NCALD: variants seen among roughly 807,000 people sequenced by gnomAD.
The protein encoded by NCALD is neurocalcin-delta.
NCALD carries 10 observed loss-of-function variants against 18.6 expected under a neutral mutation model. The ratio of observed to expected loss-of-function variants is 0.54; its 90% CI spans 0.33 to 0.91. The LOEUF (loss-of-function observed/expected upper bound fraction) is 0.91. Among genes scored for constraint, NCALD ranks in the 40% least tolerant of loss-of-function variants. The pLI is 0.03. For missense variants in NCALD, 184 were observed against 247.6 expected (o/e 0.74, Z 1.72); for synonymous variants, 88 against 87.4 (o/e 1.01, Z -0.04).
At chr8:101,690,778 C>G in intron 3 of NCALD, 1 of 985,406 alleles carries the variant, frequency 1.0e-6, no homozygotes, top group Non-Finnish European at 1.2e-6. Context: ...CAGCCCTGCC[C>G]ACATAGTAGT....
chr8:101,703,313 T>C (rs948377934), intron 2 of NCALD, among the ~76,000 whole-genome samples: 7 of 152,212 alleles, frequency 4.6e-5, no homozygotes, highest in African/African-American at 1.7e-4. Flanking sequence ...TCAACAAACA[T>C]TTGTGGACTT....
chr8:101,935,794 TTTTTTTTTTTTA>T (rs946754800), intron 2 of NCALD, among the ~76,000 whole-genome samples: 1 of 147,556 alleles, frequency 6.8e-6, no homozygotes, highest in Non-Finnish European at 1.5e-5. Context: ...TTTTTTTTTT[TTTTTTTTTTTTA>T]AAGATGGAAG....
Position 102,119,095 on chromosome 8 carries a change from C to T in NCALD, c.-210+5142G>A, listed in dbSNP as rs142823335. Among the ~76,000 whole-genome samples, 280 of 152,212 alleles carry T rather than the reference C, an allele frequency of 1.8e-3. 1 individual carries two copies. Among genetic ancestry groups the T allele is most frequent in the Admixed American group, 3.5e-3 (54 of 15,284 alleles). The stretch of plus-strand genomic sequence containing the variant: ...GGTATATACCCAGAAGAACTGAAAA[C>T]AGGGAGTTGAACATATCACTGTACA... On this transcript the variant is annotated intron_variant, in intron 1 of 6. Transcript: ENST00000311028.
At chr8:101,919,867 A>G (rs913640159) in intron 2 of NCALD, among the ~76,000 whole-genome samples, 7 of 152,236 alleles carry the variant, frequency 4.6e-5, no homozygotes, top group African/African-American at 1.7e-4. Context: ...GCTATTATTA[A>G]GAAGTCAAAA....
intron 4 of NCALD, among the ~76,000 whole-genome samples, chr8:101,833,610 GTTTTTT>G: frequency 1.1e-5 from 1 of 88,466 alleles, no homozygotes; most frequent in East Asian, 3.4e-4. Context: ...TTTGTTTCTT[GTTTTTT>G]TTTTTTTTTT....
At chr8:101,879,005 T>C (rs526533) in intron 4 of NCALD, among the ~76,000 whole-genome samples, 41,251 of 152,214 alleles carry the variant, frequency 0.27, 5,937 homozygotes, top group East Asian at 0.38. Flanking sequence ...ACTTCAATAA[T>C]GCAAATACAG....
At chr8:101,744,145 C>T (rs1191483703) in intron 1 of NCALD, among the ~76,000 whole-genome samples, 9 of 152,170 alleles carry the variant, frequency 5.9e-5, no homozygotes, top group Non-Finnish European at 1.2e-4. Context: ...TCCTCAGCTC[C>T]TACCATCTTT....
intron 1 of NCALD, among the ~76,000 whole-genome samples, chr8:101,768,398 A>G (rs965448254): frequency 6.6e-6 from 1 of 152,166 alleles, no homozygotes; most frequent in Non-Finnish European, 1.5e-5. Context: ...AGGGCGGCCA[A>G]TGAGAAAACC....
chr8:101,776,597 T>C (rs960480500), intron 1 of NCALD, among the ~76,000 whole-genome samples: 26 of 152,166 alleles, frequency 1.7e-4, no homozygotes, highest in Admixed American at 1.6e-3. Context: ...GCAGAGCTTG[T>C]TGGCTGAGGG....
At chr8:101,703,858 A>G (rs539210355) in intron 2 of NCALD, among the ~76,000 whole-genome samples, 1 of 152,318 alleles carries the variant, frequency 6.6e-6, no homozygotes, top group East Asian at 1.9e-4. Context: ...AGTCTACACA[A>G]GACTGACTAC....
chr8:102,070,273 T>C (rs1254139144), intron 1 of NCALD, among the ~76,000 whole-genome samples: 6 of 152,196 alleles, frequency 3.9e-5, no homozygotes, highest in Admixed American at 3.9e-4. Flanking sequence ...ACTGTTTTAA[T>C]GTCAATATGT....
intron 1 of NCALD, chr8:101,779,839 G>GT (rs1038187872): frequency 4.0e-5 from 6 of 151,880 alleles, no homozygotes; most frequent in East Asian, 3.9e-4. Flanking sequence ...ATGAAACAAT[G>GT]TTTTTTTAAG....
intron 1 of NCALD, among the ~76,000 whole-genome samples, chr8:102,099,200 G>C (rs1825196100): frequency 6.6e-6 from 1 of 152,174 alleles, no homozygotes; most frequent in Non-Finnish European, 1.5e-5. Flanking sequence ...TTAGATATCT[G>C]TCTCCTGCAA....
intron 4 of NCALD, among the ~76,000 whole-genome samples, chr8:101,819,508 T>C (rs1017086694): frequency 1.3e-5 from 2 of 152,058 alleles, no homozygotes; most frequent in African/African-American, 4.8e-5. Flanking sequence ...TTGCACATTC[T>C]TTCCCCAATT....
chr8:101,731,128 G>A (rs1376900550), intron 1 of NCALD, among the ~76,000 whole-genome samples: 1 of 152,124 alleles, frequency 6.6e-6, no homozygotes, highest in East Asian at 1.9e-4. Flanking sequence ...ACTCTTTCAG[G>A]AGTGAAAACA....
intron 2 of NCALD, among the ~76,000 whole-genome samples, chr8:101,988,994 G>A (rs1820942534): frequency 6.6e-6 from 1 of 151,868 alleles, no homozygotes. Flanking sequence ...AGTGCAGCCT[G>A]AGTCAGGATT....
intron 4 of NCALD, among the ~76,000 whole-genome samples, chr8:101,877,206 T>C (rs1023813341): frequency 2.6e-5 from 4 of 152,252 alleles, no homozygotes; most frequent in African/African-American, 9.6e-5. Flanking sequence ...GATTCAAAGA[T>C]AATACTGATT....
intron 2 of NCALD, among the ~76,000 whole-genome samples, chr8:101,973,551 G>A (rs1415284452): frequency 6.6e-6 from 1 of 152,104 alleles, no homozygotes; most frequent in African/African-American, 2.4e-5. Context: ...TCCCCCAACT[G>A]GTATCCACAA....
At chr8:101,802,740 G>C (rs1338691391) in intron 4 of NCALD, among the ~76,000 whole-genome samples, 1 of 151,984 alleles carries the variant, frequency 6.6e-6, no homozygotes, top group Non-Finnish European at 1.5e-5. Flanking sequence ...TAAAGAAAAT[G>C]CAGAATAAAA....
Sources: allele counts gnomAD v4.1 joint callset (sites outside exome capture counted in the v4.1 genomes callset), GRCh38; gene constraint gnomAD v4.1.1; transcripts MANE v1.5; gene names NCBI Gene and HGNC (gene_info 2026-07-23, HGNC 2026-07-21).